The following STAB2 variants were observed in gnomAD, a reference collection of about 807,000 sequenced individuals.
The protein encoded by STAB2 is stabilin 2.
STAB2 carries 288 observed loss-of-function variants against 338.1 expected under a neutral mutation model. The ratio of observed to expected loss-of-function variants is 0.85; its 90% CI spans 0.77 to 0.94. The LOEUF is 0.94. STAB2 is among the 40% of genes least tolerant of loss of function. STAB2 has a pLI of 0.00. For missense variants in STAB2, 3,141 were observed against 3,210.1 expected, an observed-to-expected ratio of 0.98 and a Z score of 0.52; for synonymous variants, 1,202 against 1,193.3, an observed-to-expected ratio of 1.01 and a Z score of -0.15.
chr12:103,693,022 A>G, intron 31 of STAB2, 133 bp downstream of exon 31: 2 of 580,742 alleles, frequency 3.4e-6, no homozygotes, highest in East Asian at 6.2e-5. Flanking sequence ...GTGCCTCATG[A>G]CTTTTATTTT....
chr12:103,662,388 GTTCATT>G, intron 17 of STAB2, among the ~76,000 whole-genome samples: 1 of 152,116 alleles, frequency 6.6e-6, no homozygotes, highest in East Asian at 1.9e-4. Context: ...TTGCTAATTG[GTTCATT>G]TTCTGCTCCC....
chr12:103,638,340 G>A (rs1957586139), intron 8 of STAB2, 128 bp downstream of exon 8: 3 of 1,044,448 alleles, frequency 2.9e-6, no homozygotes, highest in Non-Finnish European at 4.1e-6. Context: ...TTCCCCTCCA[G>A]ACAGTCCTCC....
At chr12:103,671,332 AT>A (rs1875766657) in intron 22 of STAB2, among the ~76,000 whole-genome samples, 1 of 152,114 alleles carries the variant, frequency 6.6e-6, no homozygotes, top group South Asian at 2.1e-4. Context: ...GGTGCCTGTA[AT>A]CCCAGCTACT....
intron 26 of STAB2, among the ~76,000 whole-genome samples, chr12:103,683,937 A>G (rs1877163409): frequency 6.6e-6 from 1 of 152,176 alleles, no homozygotes; most frequent in African/African-American, 2.4e-5. Flanking sequence ...CATGCAGAAG[A>G]TAAATTTGCT....
At chr12:103,766,082 A>T in intron 68 of STAB2, 1 of 703,604 alleles carries the variant, frequency 1.4e-6, no homozygotes, top group East Asian at 2.8e-5. Context: ...CCCAGCTTCA[A>T]GCAGGAGAGA....
intron 59 of STAB2, 82 bp downstream of exon 59, chr12:103,749,238 C>A: frequency 7.1e-7 from 1 of 1,403,150 alleles, no homozygotes; most frequent in Non-Finnish European, 9.6e-7. Flanking sequence ...CCATACTCTG[C>A]TTATCTCCTG....
intron 6 of STAB2, among the ~76,000 whole-genome samples, chr12:103,636,140 G>A (rs1207849908): frequency 1.3e-5 from 2 of 151,658 alleles, no homozygotes; most frequent in East Asian, 3.9e-4. Flanking sequence ...TTGGTGTGCT[G>A]CACCCATTAA....
In STAB2 at chr12:103,749,129, G is replaced by A. The variant is rs1473918888; in HGVS notation, c.6411G>A (p.Glu2137=). The A allele has an allele frequency of 3.7e-6, 6 of 1,607,172 alleles. No homozygotes were observed. In the Admixed American group the frequency reaches 5.0e-5, roughly 13 times the overall value. Residue 2137 remains glutamate, a synonymous_variant, in exon 59 of 69, where the codon GAG becomes GAA. Transcript: ENST00000388887. ...CADGLNGGCH[E]HATCKMTGPG... is the part of the protein sequence containing the mutation. ...ACGGCCTTAACGGAGGGTGTCACGA[G>A]CACGCCACCTGTAAGATGACAGGCC...
intron 25 of STAB2, among the ~76,000 whole-genome samples, chr12:103,680,114 G>A (rs1046981767): frequency 2.5e-4 from 38 of 152,166 alleles, no homozygotes; most frequent in Admixed American, 2.4e-3. Context: ...GGTGGCTGCC[G>A]GGAGCTAGAG....
intron 67 of STAB2, among the ~76,000 whole-genome samples, chr12:103,762,630 G>T (rs2139247944): frequency 6.6e-6 from 1 of 152,326 alleles, no homozygotes; most frequent in Non-Finnish European, 1.5e-5. Context: ...GGCTGAGACA[G>T]GGCTTGGCAA....
At position 103,713,702 on chromosome 12, in the gene STAB2, A is replaced by G. The variant is rs546629698; in HGVS notation, c.4471A>G (p.Thr1491Ala). 14 of 1,614,114 alleles carry G rather than the reference A, an allele frequency of 8.7e-6. No individual in the cohort carries two copies. Among genetic ancestry groups the G allele is most frequent in the African/African-American group, 4.0e-5 (3 of 75,046 alleles). ...CTCTGCCAAGGCTGACTGTAAGAGA[A>G]CCACCCCAGGAAGGCGAGTGTGCAC... ...GCSAKADCKR[T>A]TPGRRVCTCK... Residue 1491 changes from threonine (T) to alanine (A), a missense_variant, in exon 42 of 69, where the codon ACC (threonine) becomes GCC (alanine). By Grantham distance (58) the Thr-to-Ala change is moderately conservative. Coordinates refer to ENST00000388887, the MANE Select transcript of STAB2 (RefSeq NM_017564.10).
In STAB2 at chr12:103,735,565, A is replaced by C; in HGVS notation, c.5535A>C (p.Gly1845=). ...GTTCAGAGCTGAGTGTGAAATGTGG[A>C]GCTGGCAGGGACATCGTGAGTATCA... The part of the protein sequence containing the change: ...LQGSELSVKC[G]AGRDIGDLFL... Residue 1845 remains glycine (G), a synonymous_variant, in exon 52 of 69, where the codon GGA becomes GGC. Coordinates refer to ENST00000388887, the MANE Select transcript of STAB2 (RefSeq NM_017564.10). The C allele has an allele frequency of 7.0e-7, 1 of 1,425,968 alleles. No homozygotes were observed. Among genetic ancestry groups the C allele is most frequent in the Non-Finnish European group, 9.4e-7 (1 of 1,060,594 alleles). The allele number at this position is 1,425,968 out of a possible 1,614,324, so 88.3% of individuals were successfully genotyped here.
At chr12:103,631,471 G>T in intron 5 of STAB2, 127 bp from the exon 6 acceptor site, 1 of 766,820 alleles carries the variant, frequency 1.3e-6, no homozygotes, top group Non-Finnish European at 2.1e-6. Flanking sequence ...GCTGATAAAA[G>T]AGAGAGGAGC....
intron 5 of STAB2, among the ~76,000 whole-genome samples, chr12:103,623,873 T>G: frequency 6.6e-6 from 1 of 152,154 alleles, no homozygotes; most frequent in Non-Finnish European, 1.5e-5. Flanking sequence ...CACAAAACCC[T>G]CAGGCTAAGA....
intron 64 of STAB2, 58 bp from the exon 65 acceptor site, chr12:103,759,075 A>C: frequency 6.2e-7 from 1 of 1,613,788 alleles, no homozygotes; most frequent in South Asian, 1.1e-5. Flanking sequence ...CCATCATTAA[A>C]AAGACAAAAT....
chr12:103,662,592 G>A (rs1593196848), intron 17 of STAB2, among the ~76,000 whole-genome samples: 2 of 152,218 alleles, frequency 1.3e-5, no homozygotes, highest in East Asian at 3.9e-4. Context: ...ATTATAATTT[G>A]TACTTAGCCC....
intron 41 of STAB2, 102 bp downstream of exon 41, chr12:103,712,545 C>A: frequency 1.2e-6 from 1 of 855,520 alleles, no homozygotes; most frequent in Non-Finnish European, 2.0e-6. Context: ...CAGCTGGTGC[C>A]AACCACTGAT....
chr12:103,724,200 C>A (rs1880999950), intron 44 of STAB2, among the ~76,000 whole-genome samples: 1 of 152,282 alleles, frequency 6.6e-6, no homozygotes, highest in Middle Eastern at 3.4e-3. Flanking sequence ...ACTCTCCCAG[C>A]ACAGCCAGGA....
At chr12:103,700,754 C>A (rs4604988) in intron 34 of STAB2, among the ~76,000 whole-genome samples, 1 of 152,122 alleles carries the variant, frequency 6.6e-6, no homozygotes, top group Non-Finnish European at 1.5e-5. Flanking sequence ...TGCAGAAATT[C>A]TTTTATCTAG....
Sources: gnomAD v4.1 joint callset for allele counts (sites outside exome capture counted in the v4.1 genomes callset) on GRCh38, gnomAD v4.1.1 for gene constraint, MANE v1.5 for transcripts, NCBI Gene and HGNC (gene_info 2026-07-23, HGNC 2026-07-21) for gene names.